Variants in PRUNE2 observed in about 807,000 individuals in gnomAD.
The protein encoded by PRUNE2 is prune homolog 2 with BCH domain.
A neutral mutation model predicts 252.0 loss-of-function variants in PRUNE2; 164 were observed. The observed-to-expected ratio is 0.65, with a 90% CI of 0.57 to 0.74. The LOEUF is 0.74. PRUNE2 is among the 30% of genes least tolerant of loss of function. The pLI is 0.00. For synonymous variants in PRUNE2, 1,292 were observed against 1,350.2 expected, an observed-to-expected ratio of 0.96 and a Z score of 0.94; for missense variants, 3,495 against 3,711.0, an observed-to-expected ratio of 0.94 and a Z score of 1.51.
At chr9:76,770,131 A>T (rs2052927993) in intron 6 of PRUNE2, among the ~76,000 whole-genome samples, 2 of 152,164 alleles carry the variant, frequency 1.3e-5, no homozygotes, top group Non-Finnish European at 2.9e-5. Flanking sequence ...CAGTCACTAA[A>T]AACTCATTTT....
intron 14 of PRUNE2, among the ~76,000 whole-genome samples, chr9:76,637,109 A>G (rs1345335990): frequency 2.6e-5 from 4 of 152,088 alleles, no homozygotes; most frequent in Non-Finnish European, 4.4e-5. Flanking sequence ...TGTAATTTGA[A>G]ACTTGTATGA....
chr9:76,804,320 C>A (rs1219604740), intron 6 of PRUNE2, among the ~76,000 whole-genome samples: 1 of 152,244 alleles, frequency 6.6e-6, no homozygotes, highest in Non-Finnish European at 1.5e-5. Flanking sequence ...TTGATGCCCC[C>A]GCCCCCTTCC....
intron 16 of PRUNE2, chr9:76,625,200 G>A (rs966140040): frequency 2.0e-5 from 9 of 441,720 alleles, no homozygotes; most frequent in Non-Finnish European, 3.8e-5. Flanking sequence ...CATCATTTGG[G>A]TCAGTGATGG....
chr9:76,743,122 C>T lies in PRUNE2; in HGVS notation c.757-29401G>A, dbSNP rs532721733. Among the ~76,000 whole-genome samples, 13 of 152,298 alleles carry T rather than the reference C, an allele frequency of 8.5e-5. No individual in the cohort carries two copies. The South Asian group carries it at 2.3e-3, about 27-fold the overall frequency. ...CTTCCTGCTGCCATGTGAAGAAGGA[C>T]GTGTTTGCCTTCCCTTCTGCTATGA... On this transcript the variant is annotated intron_variant, in intron 6 of 18. Transcript: ENST00000376718.
intron 15 of PRUNE2, among the ~76,000 whole-genome samples, chr9:76,631,024 T>C (rs1837407315): frequency 1.3e-5 from 2 of 152,230 alleles, no homozygotes; most frequent in African/African-American, 4.8e-5. Flanking sequence ...CTTCTATCCA[T>C]CTATCTTTAA....
rs564520340 is a variant in PRUNE2 at position 76,830,185 on chromosome 9, C to T, written c.509-3453G>A. Reference sequence around the variant, plus strand: ...CATACTGAAGCATGGAGAGAAAAAGCGATGAAAAATACAGAGATGAGCTTA... The same window carrying T: ...CATACTGAAGCATGGAGAGAAAAAGTGATGAAAAATACAGAGATGAGCTTA... On this transcript the variant is annotated intron_variant, in intron 4 of 18. Coordinates refer to ENST00000376718, the MANE Select transcript of PRUNE2 (RefSeq NM_015225.3). 4.5e-4 allele frequency among the ~76,000 whole-genome samples: 68 copies of T among 151,996 alleles called. 1 individual carries two copies. Among genetic ancestry groups the T allele is most frequent in the Middle Eastern group, 3.4e-3 (1 of 294 alleles).
At chr9:76,752,534 T>TG (rs1433669568) in intron 6 of PRUNE2, among the ~76,000 whole-genome samples, 2 of 151,770 alleles carry the variant, frequency 1.3e-5, no homozygotes, top group Non-Finnish European at 2.9e-5. Flanking sequence ...TTAGAAAGTT[T>TG]TTTTCCTTAT....
At chr9:76,663,202 G>A (rs771658101) in intron 9 of PRUNE2, among the ~76,000 whole-genome samples, 29 of 152,338 alleles carry the variant, frequency 1.9e-4, no homozygotes, top group Admixed American at 1.5e-3. Flanking sequence ...ACAATAGGAA[G>A]CTGGGGTCAA....
chr9:76,788,754 T>G (rs1417217154), intron 6 of PRUNE2, among the ~76,000 whole-genome samples: 1 of 152,192 alleles, frequency 6.6e-6, no homozygotes, highest in Non-Finnish European at 1.5e-5. Context: ...GAGAGACTCA[T>G]ATTTGCAAGT....
At chr9:76,854,998 G>C (rs1307068852) in intron 1 of PRUNE2, among the ~76,000 whole-genome samples, 1 of 148,520 alleles carries the variant, frequency 6.7e-6, no homozygotes, top group East Asian at 2.0e-4. Context: ...CCCAGGAGGC[G>C]GAGGTTGCAG....
chr9:76,641,157 G>A (rs999847229), intron 12 of PRUNE2, among the ~76,000 whole-genome samples: 5 of 152,088 alleles, frequency 3.3e-5, no homozygotes, highest in African/African-American at 7.2e-5. Context: ...CTTCATGATC[G>A]CTGTCTAAGT....
intron 16 of PRUNE2, chr9:76,625,134 T>C (rs700809): frequency 0.94 from 960,999 of 1,020,964 alleles, 453,352 homozygotes; most frequent in Admixed American, 0.97. Flanking sequence ...ATGATTTAAA[T>C]GACAGTCAAA....
At chr9:76,876,677 A>C (rs1325006771) in intron 1 of PRUNE2, among the ~76,000 whole-genome samples, 4 of 152,116 alleles carry the variant, frequency 2.6e-5, no homozygotes, top group Non-Finnish European at 4.4e-5. Flanking sequence ...CCTGCCAGTC[A>C]TTCTAACTCT....
At chr9:76,656,918 G>A (rs572434548) in intron 9 of PRUNE2, among the ~76,000 whole-genome samples, 1 of 152,162 alleles carries the variant, frequency 6.6e-6, no homozygotes, top group Non-Finnish European at 1.5e-5. Context: ...CATGCAAGAG[G>A]TTGGCATGTA....
chr9:76,628,344 C>G (rs1467085885), intron 16 of PRUNE2, among the ~76,000 whole-genome samples: 1 of 152,204 alleles, frequency 6.6e-6, no homozygotes, highest in Non-Finnish European at 1.5e-5. Context: ...CTGCGTTACC[C>G]TCTATTGAGC....
At chr9:76,674,759 G>A (rs370980696) in intron 9 of PRUNE2, among the ~76,000 whole-genome samples, 36 of 118,866 alleles carry the variant, frequency 3.0e-4, no homozygotes, top group African/African-American at 8.4e-4. Context: ...AAATAACGCC[G>A]CATATCTACA....
At position 76,753,427 on chromosome 9, in the gene PRUNE2, G is replaced by A. The variant is rs1283071807; in HGVS notation, c.757-39706C>T. Among the ~76,000 whole-genome samples, 5 of 152,100 alleles carry A rather than the reference G, an allele frequency of 3.3e-5. No individual in the cohort carries two copies. In the East Asian group the frequency reaches 7.7e-4, roughly 23 times the overall value. ...GAGCCATCTGCTTATGTAGGCCTGT[G>A]TTTTCTACTGCAACAAAATTTTTAA... On this transcript the variant is annotated intron_variant, in intron 6 of 18. Transcript: ENST00000376718.
At chr9:76,875,743 G>T (rs1367915133) in intron 1 of PRUNE2, among the ~76,000 whole-genome samples, 1 of 152,178 alleles carries the variant, frequency 6.6e-6, no homozygotes, top group Non-Finnish European at 1.5e-5. Flanking sequence ...CTCAATAAAT[G>T]TTTATAATAG....
At chr9:76,890,362 G>T (rs1211179362) in intron 1 of PRUNE2, among the ~76,000 whole-genome samples, 2 of 152,232 alleles carry the variant, frequency 1.3e-5, no homozygotes, top group Non-Finnish European at 2.9e-5. Flanking sequence ...AGGAAATGGG[G>T]ACAGGAGAGG....
Sources: allele counts gnomAD v4.1 joint callset (sites outside exome capture counted in the v4.1 genomes callset), GRCh38; gene constraint gnomAD v4.1.1; transcripts MANE v1.5; gene names NCBI Gene and HGNC (gene_info 2026-07-23, HGNC 2026-07-21).